PLEKHG3: variants seen among roughly 807,000 people sequenced by gnomAD.
PLEKHG3 encodes the protein pleckstrin homology and RhoGEF domain containing G3, also known as pleckstrin homology domain-containing family G member 3.
PLEKHG3 carries 62 observed loss-of-function variants against 94.9 expected under a neutral mutation model. That is an observed-to-expected ratio of 0.65 (90% CI 0.53 to 0.81). PLEKHG3 has a LOEUF of 0.81. PLEKHG3 is among the 30% of genes least tolerant of loss of function. PLEKHG3 has a pLI of 0.00. For synonymous variants in PLEKHG3, 614 were observed against 654.0 expected (o/e 0.94, Z 0.93); for missense variants, 1,461 against 1,619.3 (o/e 0.90, Z 1.68).
At chr14:64,709,400 T>TG (rs2081031248) in intron 1 of PLEKHG3, among the ~76,000 whole-genome samples, 1 of 152,120 alleles carries the variant, frequency 6.6e-6, no homozygotes, top group Non-Finnish European at 1.5e-5. Flanking sequence ...GGCTGGCCTT[T>TG]GGGGAGGGAG....
At chr14:64,719,333 TATC>T (rs1245883236) in intron 1 of PLEKHG3, among the ~76,000 whole-genome samples, 2 of 152,122 alleles carry the variant, frequency 1.3e-5, no homozygotes, top group Non-Finnish European at 1.5e-5. Flanking sequence ...ATTTATCCGT[TATC>T]ATCATCACCA....
rs1405249523 is a variant in PLEKHG3, at chr14:64,718,318, C to T, written c.-39-9275C>T. The stretch of plus-strand genomic sequence containing the variant: ...GACAATGTCTTTTTCATGTCATATC[C>T]CCAGGCCCTGGCATTCATGTTCAGG... On this transcript the variant is annotated intron_variant, in intron 1 of 16. Transcript: ENST00000247226. The surrounding 1 kb of genome is among the most constrained non-coding windows in gnomAD (Gnocchi z 5.0). Among the ~76,000 whole-genome samples, 1 of 152,094 alleles carries T rather than the reference C, an allele frequency of 6.6e-6. No individual in the cohort carries two copies. Among genetic ancestry groups the T allele is most frequent in the Non-Finnish European group, 1.5e-5 (1 of 68,018 alleles).
At chr14:64,719,991 G>A (rs1336908391) in intron 1 of PLEKHG3, among the ~76,000 whole-genome samples, 6 of 152,140 alleles carry the variant, frequency 3.9e-5, no homozygotes, top group South Asian at 2.1e-4. Context: ...TGGCTCTTCC[G>A]GTTTTGGGGC....
chr14:64,735,089 C>A (rs2081545465), intron 12 of PLEKHG3, among the ~76,000 whole-genome samples: 1 of 152,108 alleles, frequency 6.6e-6, no homozygotes, highest in South Asian at 2.1e-4. Context: ...AAGGTGCTGG[C>A]CACCGTTGAA....
chr14:64,741,079 C>T lies in PLEKHG3; in HGVS notation c.1562C>T (p.Ser521Phe). The T allele has an allele frequency of 2.5e-6, 4 of 1,608,372 alleles. No homozygotes were observed. The highest frequency in any genetic ancestry group is 3.4e-6 in the Non-Finnish European group (4 of 1,176,066). The part of the protein sequence containing the change: ...PEAGSEQEVF[S>F]AVEGPSAEET... Reference sequence around the variant, plus strand: ...GCTGGGAGTGAGCAAGAGGTATTTTCTGCTGTGGAAGGGCCCAGTGCCGAG... The same window carrying T: ...GCTGGGAGTGAGCAAGAGGTATTTTTTGCTGTGGAAGGGCCCAGTGCCGAG... Residue 521 changes from serine to phenylalanine, a missense_variant, in exon 16 of 17, where the codon TCT (serine) becomes TTT (phenylalanine). Around this residue, in one of 3 missense-constraint regions of PLEKHG3, gnomAD observed 1,201 missense variants for 1,295.5 expected, o/e 0.93. Transcript: ENST00000247226.
rs2080946711 is a variant in PLEKHG3 at position 64,704,860 on chromosome 14, T to A, written c.-40+156T>A. Among the ~76,000 whole-genome samples, 1 of 152,152 alleles carries A rather than the reference T, an allele frequency of 6.6e-6. No homozygotes were observed. Among genetic ancestry groups the A allele is most frequent in the African/African-American group, 2.4e-5 (1 of 41,432 alleles). ...GGGGCGACCGAGGAGGGCCTGGAAC[T>A]GTGTTGGCTGCTTCCCGGGCCACCC... is the stretch of plus-strand genomic sequence containing the variant. On this transcript the variant is annotated intron_variant, in intron 1 of 16. Transcript: ENST00000247226. The surrounding 1 kb of genome is among the most constrained non-coding windows in gnomAD (Gnocchi z 5.6).
chr14:64,731,240 T>A lies in PLEKHG3; in HGVS notation c.849+71T>A. On this transcript the variant is annotated intron_variant, in intron 7 of 16. Transcript: ENST00000247226. This position sits in a 1 kb window ranked among gnomAD's most constrained non-coding sequence, Gnocchi z 6.1. The stretch of plus-strand genomic sequence containing the variant: ...CCAGGCTTCCGCTGGGAAGAGGGAC[T>A]GTGGCCACCCTGCTGGGATGAGCTG... 6.7e-7 allele frequency: 1 copy of A among 1,492,774 alleles called. No individual in the cohort carries two copies. The highest frequency in any genetic ancestry group is 9.2e-7 in the Non-Finnish European group (1 of 1,082,038). The allele number at this position is 1,492,774 out of a possible 1,614,324, so 92.5% of individuals were successfully genotyped here. A position where few individuals can be genotyped will look rare whatever the true frequency, so the allele number is the denominator to read the frequency against.
chr14:64,727,978 TG>T lies in PLEKHG3; in HGVS notation c.349del (p.Glu117ArgfsTer5). The T allele has an allele frequency of 6.4e-7, 1 of 1,556,100 alleles. No homozygotes were observed. On this transcript the variant is annotated frameshift_variant, in exon 2 of 17. Transcript: ENST00000247226. LOFTEE classifies it high-confidence loss of function. This position sits in a 1 kb window ranked among gnomAD's most constrained non-coding sequence, Gnocchi z 6.0. ...RMYVQDLRSI[V>X]EDYLLKIIDT... is the part of the protein sequence containing the mutation. The stretch of plus-strand genomic sequence containing the variant: ...TACGTACAGGACCTGCGCAGCATCG[TG>T]GAGGTGCGTGTCGGAGGCCTTGCGG...
At position 64,728,292 on chromosome 14, in the gene PLEKHG3, C is replaced by T. The variant is rs1438483918; in HGVS notation, c.351+310C>T. ...AAGACATGGGCTCTGGGCCTGGCCCCATGCATCCCCTGCCCTGTTGTTTCC... is the reference window on the plus strand; with the variant it reads ...AAGACATGGGCTCTGGGCCTGGCCCTATGCATCCCCTGCCCTGTTGTTTCC... On this transcript the variant is annotated intron_variant, in intron 2 of 16. Transcript: ENST00000247226. The surrounding 1 kb of genome is among the most constrained non-coding windows in gnomAD (Gnocchi z 5.9). Among the ~76,000 whole-genome samples the T allele has an allele frequency of 6.6e-6, 1 of 152,210 alleles. No individual in the cohort carries two copies. The highest frequency in any genetic ancestry group is 1.5e-5 in the Non-Finnish European group (1 of 68,038).
intron 12 of PLEKHG3, 75 bp from the exon 13 acceptor site, chr14:64,736,778 G>A (rs1394943938): frequency 1.4e-5 from 15 of 1,055,686 alleles, no homozygotes; most frequent in South Asian, 5.0e-5. Context: ...GGCTGGTGGC[G>A]CTGTGAGCTT....
Position 64,749,148 on chromosome 14 carries a change from G to A in PLEKHG3, c.*5445G>A. 1.2e-6 allele frequency: 1 copy of A among 825,280 alleles called. No homozygotes were observed. The allele number at this position is 825,280 out of a possible 1,614,324, so 51.1% of individuals were successfully genotyped here. A position where few individuals can be genotyped will look rare whatever the true frequency, so the allele number is the denominator to read the frequency against. ...GGGGGCGTCGGCCCAGGACACGCGGGCGAAGGCAGCTTTTGCAGTGCAGCG... is the reference window on the plus strand; with the variant it reads ...GGGGGCGTCGGCCCAGGACACGCGGACGAAGGCAGCTTTTGCAGTGCAGCG... On this transcript the variant is annotated 3_prime_UTR_variant, in exon 17 of 17. Coordinates refer to ENST00000247226, the MANE Select transcript of PLEKHG3 (RefSeq NM_001308147.2). This position sits in a 1 kb window ranked among gnomAD's most constrained non-coding sequence, Gnocchi z 4.7.
chr14:64,743,911 C>CA lies in PLEKHG3; in HGVS notation c.*209dup. Reference sequence around the variant, plus strand: ...CTGGGGCTCGAGACAATTTCCCACTCACCTGTGAGGCCGGTGTGGCTGCTT... The same window carrying CA: ...CTGGGGCTCGAGACAATTTCCCACTCAACCTGTGAGGCCGGTGTGGCTGCTT... On this transcript the variant is annotated 3_prime_UTR_variant, in exon 17 of 17. Coordinates refer to ENST00000247226, the MANE Select transcript of PLEKHG3 (RefSeq NM_001308147.2). The surrounding 1 kb of genome is among the most constrained non-coding windows in gnomAD (Gnocchi z 7.2). 2.0e-6 allele frequency: 1 copy of CA among 502,726 alleles called. No homozygotes were observed. Among genetic ancestry groups the CA allele is most frequent in the Non-Finnish European group, 3.4e-6 (1 of 290,726 alleles). 31.1% of individuals were successfully genotyped at this position (502,726 alleles called of 1,614,324 possible).
At position 64,743,190 on chromosome 14, in the gene PLEKHG3, C is replaced by G. The variant is rs202235734; in HGVS notation, c.3147C>G (p.Asp1049Glu). 29 of 1,610,276 alleles carry G rather than the reference C, an allele frequency of 1.8e-5. No homozygotes were observed. The highest frequency in any genetic ancestry group is 2.5e-5 in the Non-Finnish European group (29 of 1,179,860). ...CCACAGAGACCTTCAGCTGGCCCGA[C>G]GTCCGTGAGCTCTGCTCCAAGTATG... ...LSPTETFSWP[D>E]VRELCSKYAS... Residue 1049 changes from aspartate (D) to glutamate (E), a missense_variant, in exon 17 of 17, where the codon GAC (aspartate) becomes GAG (glutamate). Transcript: ENST00000247226. The surrounding 1 kb of genome is among the most constrained non-coding windows in gnomAD (Gnocchi z 7.2).
chr14:64,727,803 CT>C lies in PLEKHG3; in HGVS notation c.173del (p.Leu58ArgfsTer12), dbSNP rs1163511163. The C allele has an allele frequency of 6.2e-7, 1 of 1,611,232 alleles. No homozygotes were observed. ...NGAGSLRSRH[L>X]PNSNNNSSSW... ...GGCAGGCTCCCTGAGAAGCCGGCAT[CT>C]GCCCAACAGCAACAACAACTCCAGC... is the stretch of plus-strand genomic sequence containing the variant. On this transcript the variant is annotated frameshift_variant, in exon 2 of 17. Transcript: ENST00000247226. LOFTEE classifies it high-confidence loss of function. The surrounding 1 kb of genome is among the most constrained non-coding windows in gnomAD (Gnocchi z 6.0).
In PLEKHG3 at chr14:64,727,019, A is replaced by C. The variant is rs1230129021; in HGVS notation, c.-39-574A>C. ...GAAGTTCTTCTTCACAACTGCCATTATTATCACCATATTGATGGTGTATGG... is the reference window on the plus strand; with the variant it reads ...GAAGTTCTTCTTCACAACTGCCATTCTTATCACCATATTGATGGTGTATGG... On this transcript the variant is annotated intron_variant, in intron 1 of 16. Transcript: ENST00000247226. This position sits in a 1 kb window ranked among gnomAD's most constrained non-coding sequence, Gnocchi z 6.0. Among the ~76,000 whole-genome samples, 3 of 152,286 alleles carry C rather than the reference A, an allele frequency of 2.0e-5. No individual in the cohort carries two copies. The highest frequency in any genetic ancestry group is 2.9e-5 in the Non-Finnish European group (2 of 68,010).
At chr14:64,737,460 G>A in intron 14 of PLEKHG3, 85 bp downstream of exon 14, 1 of 905,654 alleles carries the variant, frequency 1.1e-6, no homozygotes, top group Non-Finnish European at 1.7e-6. Flanking sequence ...AGCCCTCATT[G>A]TCTTCATTCA....
At position 64,749,845 on chromosome 14, in the gene PLEKHG3, A is replaced by G. The variant is rs1379881165; in HGVS notation, c.*6142A>G. ...TTTCTGAGAGGTCAAAGTCTGGACC[A>G]TCAGCCTCTTTGATTTGAAAAACCC... On this transcript the variant is annotated 3_prime_UTR_variant, in exon 17 of 17. Coordinates refer to ENST00000247226, the MANE Select transcript of PLEKHG3 (RefSeq NM_001308147.2). The surrounding 1 kb of genome is among the most constrained non-coding windows in gnomAD (Gnocchi z 4.7). 5 of 1,484,310 alleles carry G rather than the reference A, an allele frequency of 3.4e-6. No individual in the cohort carries two copies. In the African/African-American group the frequency reaches 4.2e-5, roughly 12 times the overall value. The allele number at this position is 1,484,310 out of a possible 1,614,324, so 91.9% of individuals were successfully genotyped here. A position where few individuals can be genotyped will look rare whatever the true frequency, so the allele number is the denominator to read the frequency against.
chr14:64,716,033 G>C lies in PLEKHG3; in HGVS notation c.-40+11329G>C, dbSNP rs769404664. 2 of 456,274 alleles carry C rather than the reference G, an allele frequency of 4.4e-6. No homozygotes were observed. Among genetic ancestry groups the C allele is most frequent in the Non-Finnish European group, 8.8e-6 (2 of 226,790 alleles). The allele number at this position is 456,274 out of a possible 1,614,324, so 28.3% of individuals were successfully genotyped here. On this transcript the variant is annotated intron_variant, in intron 1 of 16. Transcript: ENST00000247226. The surrounding 1 kb of genome is among the most constrained non-coding windows in gnomAD (Gnocchi z 5.0). ...AGGTTGCCGGTGCTGGGGACAATGCGGCTGCCCGGCCCCTCGCCACCCTCG... is the reference window on the plus strand; with the variant it reads ...AGGTTGCCGGTGCTGGGGACAATGCCGCTGCCCGGCCCCTCGCCACCCTCG...
At chr14:64,711,445 A>C in intron 1 of PLEKHG3, among the ~76,000 whole-genome samples, 1 of 147,432 alleles carries the variant, frequency 6.8e-6, no homozygotes, top group Non-Finnish European at 1.5e-5. Context: ...ACGGAGTCTC[A>C]CTCTGTTGCC....
Sources: gnomAD v4.1 joint callset for allele counts (sites outside exome capture counted in the v4.1 genomes callset) on GRCh38, gnomAD v4.1.1 for gene constraint, gnomAD v4.1.1 regional missense constraint, Gnocchi (gnomAD v3.1) non-coding constraint, MANE v1.5 for transcripts, NCBI Gene and HGNC (gene_info 2026-07-23, HGNC 2026-07-21) for gene names.